EFCAB3: variants seen among roughly 807,000 people sequenced by gnomAD.
EFCAB3 encodes EF-hand calcium binding domain 3.
EFCAB3 carries 36 observed loss-of-function variants against 42.2 expected under a neutral mutation model. The ratio of observed to expected loss-of-function variants is 0.85; its 90% CI spans 0.65 to 1.13. EFCAB3 has a LOEUF of 1.13. Ranked by LOEUF, EFCAB3 falls within the 50% of genes most tolerant of loss-of-function variation. The pLI is 0.00. For synonymous variants in EFCAB3, 170 were observed against 172.8 expected (o/e 0.98, Z 0.13); for missense variants, 418 against 505.1 (o/e 0.83, Z 1.65).
rs774721212 is a variant in EFCAB3, at chr17:62,393,590, T to C, written c.313T>C (p.Phe105Leu). The C allele has an allele frequency of 6.2e-7, 1 of 1,613,962 alleles. No individual in the cohort carries two copies. Among genetic ancestry groups the C allele is most frequent in the African/African-American group, 1.3e-5 (1 of 74,928 alleles). Residue 105 changes from phenylalanine to leucine, a missense_variant, in exon 5 of 10, where the codon TTC becomes CTC. Transcript: ENST00000305286. ...TGTTGCAGGAGATGGGAAGGTGAAC[T>C]TCTCAGACTTTATCAAGGTTCTAAC... ...ADIDRDGKVN[F>L]SDFIKVLTDK...
At chr17:62,373,793 C>T in intron 1 of EFCAB3, 1 of 1,474,022 alleles carries the variant, frequency 6.8e-7, no homozygotes, top group Non-Finnish European at 9.2e-7. Flanking sequence ...GCCTCTGTAT[C>T]TAAACCAAAA....
chr17:62,416,249 T>C lies in EFCAB3; in HGVS notation c.1237T>C (p.Ser413Pro), dbSNP rs2070547974. 1 of 1,613,938 alleles carries C rather than the reference T, an allele frequency of 6.2e-7. No homozygotes were observed. Residue 413 changes from serine to proline, a missense_variant, in exon 10 of 10, where the codon TCC becomes CCC. Physicochemically the swap from Ser to Pro is moderately conservative, Grantham distance 74. Coordinates refer to ENST00000305286, the MANE Select transcript of EFCAB3 (RefSeq NM_173503.4). Reference sequence around the variant, plus strand: ...TTCCTCCCATAACTCCAGATCCTCTTCCTCATCAGATACCAGTGAATGTTA... The same window carrying C: ...TTCCTCCCATAACTCCAGATCCTCTCCCTCATCAGATACCAGTGAATGTTA... ...RNSSHNSRSS[S>P]SSDTSECYTD...
intron 6 of EFCAB3, among the ~76,000 whole-genome samples, chr17:62,400,189 AAACTT>A (rs1368118817): frequency 6.6e-6 from 1 of 151,218 alleles, no homozygotes; most frequent in Non-Finnish European, 1.5e-5. Flanking sequence ...CCAAAGGTAA[AAACTT>A]AATTTATCTC....
intron 6 of EFCAB3, among the ~76,000 whole-genome samples, chr17:62,395,918 A>G (rs989740847): frequency 1.3e-5 from 2 of 152,092 alleles, no homozygotes; most frequent in Non-Finnish European, 2.9e-5. Flanking sequence ...CAATGTAAAA[A>G]TATTCTTCTG....
At chr17:62,371,934 T>C (rs1567718208) in intron 1 of EFCAB3, among the ~76,000 whole-genome samples, 1 of 152,214 alleles carries the variant, frequency 6.6e-6, no homozygotes, top group Non-Finnish European at 1.5e-5. Flanking sequence ...TTCAGTGATG[T>C]TGTCAGAGAG....
chr17:62,373,089 T>C (rs1193831045), intron 1 of EFCAB3, among the ~76,000 whole-genome samples: 1 of 151,954 alleles, frequency 6.6e-6, no homozygotes, highest in African/African-American at 2.4e-5. Context: ...GAGACCAGCC[T>C]GGCCAACCTG....
intron 6 of EFCAB3, among the ~76,000 whole-genome samples, chr17:62,400,283 G>A (rs1028452031): frequency 2.0e-5 from 3 of 151,986 alleles, no homozygotes; most frequent in African/African-American, 7.3e-5. Context: ...CAACGTGCAG[G>A]TTTGTTACAT....
intron 2 of EFCAB3, 59 bp downstream of exon 2, chr17:62,383,112 C>G: frequency 1.4e-6 from 2 of 1,463,762 alleles, no homozygotes; most frequent in Non-Finnish European, 1.9e-6. Flanking sequence ...ATTAGTGTTA[C>G]AGCTCTTTTA....
chr17:62,402,212 A>G (rs1205322934), intron 6 of EFCAB3, among the ~76,000 whole-genome samples: 1 of 152,210 alleles, frequency 6.6e-6, no homozygotes, highest in African/African-American at 2.4e-5. Flanking sequence ...GGTTTTCTAA[A>G]TATGCAATCA....
chr17:62,379,378 C>T (rs1253500353), upstream of EFCAB3, among the ~76,000 whole-genome samples: 1 of 144,148 alleles, frequency 6.9e-6, no homozygotes, highest in Non-Finnish European at 1.5e-5. Flanking sequence ...CATGATCCTG[C>T]TACTGCACTC....
At chr17:62,375,667 T>G (rs2070144700), upstream of EFCAB3, among the ~76,000 whole-genome samples, 2 of 152,268 alleles carry the variant, frequency 1.3e-5, no homozygotes, top group Admixed American at 6.5e-5. Context: ...CTTAAGATAA[T>G]CCCTCCTATC....
Position 62,393,656 on chromosome 17 carries a change from T to A in EFCAB3, c.367+12T>A, listed in dbSNP as rs1307570763. 1.1e-5 allele frequency: 17 copies of A among 1,612,410 alleles called. No individual in the cohort carries two copies. Among genetic ancestry groups the A allele is most frequent in the Non-Finnish European group, 1.4e-5 (16 of 1,178,696 alleles). On this transcript the variant is annotated intron_variant, in intron 5 of 9. Coordinates refer to ENST00000305286, the MANE Select transcript of EFCAB3 (RefSeq NM_173503.4). ...CCTCAAGGCAGTGGGTGAGTAGAGA[T>A]GTTATGAACAGAAGGCAGTTGGGCA...
chr17:62,385,747 T>C (rs1222128441), intron 2 of EFCAB3, among the ~76,000 whole-genome samples: 1 of 143,540 alleles, frequency 7.0e-6, no homozygotes, highest in Non-Finnish European at 1.5e-5. Context: ...TGAGACAGAG[T>C]CTTGCTCTGT....
intron 1 of EFCAB3, among the ~76,000 whole-genome samples, chr17:62,371,102 G>A (rs201240816): frequency 1.4e-4 from 21 of 147,960 alleles, no homozygotes; most frequent in South Asian, 2.2e-4. Flanking sequence ...CTTAAAAAAA[G>A]AAAAAAAAAA....
chr17:62,400,160 G>A (rs1258726317), intron 6 of EFCAB3, among the ~76,000 whole-genome samples: 1 of 152,098 alleles, frequency 6.6e-6, no homozygotes, highest in Non-Finnish European at 1.5e-5. Context: ...CCATGTGTAA[G>A]CCCCACAGCC....
intron 3 of EFCAB3, 73 bp downstream of exon 3, chr17:62,387,489 GATCT>G: frequency 4.6e-6 from 6 of 1,313,286 alleles, no homozygotes; most frequent in Non-Finnish European, 6.4e-6. Context: ...CTCTAAGAAA[GATCT>G]GAGATTTCAA....
chr17:62,376,289 A>C (rs2070150199), upstream of EFCAB3, among the ~76,000 whole-genome samples: 1 of 152,108 alleles, frequency 6.6e-6, no homozygotes, highest in South Asian at 2.1e-4. Context: ...CCTGGCCAAC[A>C]TAGTGAAACC....
intron 6 of EFCAB3, among the ~76,000 whole-genome samples, chr17:62,400,947 A>T (rs1024750105): frequency 6.6e-6 from 1 of 152,046 alleles, no homozygotes; most frequent in Non-Finnish European, 1.5e-5. Flanking sequence ...TAATGACTTT[A>T]ATGATTTTAA....
rs1283032793 is a variant in EFCAB3, at chr17:62,413,844, T to A, written c.980T>A (p.Ile327Asn). The change falls in exon 9 of 10, where the codon ATT becomes AAT. Residue 327 changes from isoleucine to asparagine, a missense_variant. Ile to Asn is a moderately radical substitution (Grantham distance 149, BLOSUM62 -3). Transcript: ENST00000305286. ...QTCTVADATA[I>N]KQHVKRATDT... is the part of the protein sequence containing the mutation. ...TGTACAGTGGCCGATGCAACTGCTA[T>A]TAAACAACATGTGAGTATTCCTTGT... 1 of 1,610,978 alleles carries A rather than the reference T, an allele frequency of 6.2e-7. No homozygotes were observed. Among genetic ancestry groups the A allele is most frequent in the Admixed American group, 1.7e-5 (1 of 59,064 alleles).
Sources: gnomAD v4.1 joint callset for allele counts (sites outside exome capture counted in the v4.1 genomes callset) on GRCh38, gnomAD v4.1.1 for gene constraint, MANE v1.5 for transcripts, NCBI Gene and HGNC (gene_info 2026-07-23, HGNC 2026-07-21) for gene names.